Variants in LRRTM3 observed in about 807,000 individuals in gnomAD.
LRRTM3 encodes leucine-rich repeat transmembrane neuronal protein 3.
A neutral mutation model predicts 44.7 loss-of-function variants in LRRTM3; 24 were observed. The ratio of observed to expected loss-of-function variants is 0.54; its 90% confidence interval spans 0.39 to 0.76. The LOEUF (loss-of-function observed/expected upper bound fraction) is 0.76. LRRTM3 is among the 30% of genes least tolerant of loss of function. The pLI, the probability that LRRTM3 is intolerant of heterozygous loss-of-function variation, is 0.00. For missense variants in LRRTM3, 587 were observed against 702.2 expected, an observed-to-expected ratio of 0.84 and a Z score of 1.85; for synonymous variants, 277 against 278.7, an observed-to-expected ratio of 0.99 and a Z score of 0.06.
intron 2 of LRRTM3, among the ~76,000 whole-genome samples, chr10:67,072,054 G>T (rs2764815): frequency 0.51 from 77,300 of 152,068 alleles, 19,989 homozygotes; most frequent in Middle Eastern, 0.64. Context: ...CCAGGTTCAC[G>T]TGATTCTCAT....
chr10:67,014,433 T>C (rs960588467), intron 2 of LRRTM3, among the ~76,000 whole-genome samples: 2 of 152,188 alleles, frequency 1.3e-5, no homozygotes, highest in Non-Finnish European at 2.9e-5. Context: ...AATATCTTTA[T>C]CTGGGAATCC....
intron 2 of LRRTM3, among the ~76,000 whole-genome samples, chr10:67,065,483 CAG>C (rs1451968666): frequency 6.6e-6 from 1 of 152,096 alleles, no homozygotes; most frequent in African/African-American, 2.4e-5. Context: ...AGTATTATGA[CAG>C]AAACTAGCTA....
chr10:66,970,499 G>GGTT (rs1849657699), intron 2 of LRRTM3, among the ~76,000 whole-genome samples: 1 of 124,730 alleles, frequency 8.0e-6, no homozygotes. Flanking sequence ...CTATATTCTT[G>GGTT]GGTGGGGGGG....
At chr10:66,994,934 C>A (rs1851246551) in intron 2 of LRRTM3, among the ~76,000 whole-genome samples, 2 of 152,138 alleles carry the variant, frequency 1.3e-5, no homozygotes, top group Admixed American at 6.6e-5. Flanking sequence ...TCAGCTAATA[C>A]CACAACACAC....
intron 2 of LRRTM3, among the ~76,000 whole-genome samples, chr10:67,028,341 G>A (rs549041083): frequency 6.6e-6 from 1 of 152,138 alleles, no homozygotes; most frequent in South Asian, 2.1e-4. Flanking sequence ...TGACTCAGAA[G>A]CTACAGAATA....
At chr10:67,037,023 G>A (rs1854103078) in intron 2 of LRRTM3, among the ~76,000 whole-genome samples, 1 of 152,236 alleles carries the variant, frequency 6.6e-6, no homozygotes, top group South Asian at 2.1e-4. Context: ...TAAGTACAGA[G>A]ACCTTGGGTG....
At chr10:66,929,371 C>G (rs894403381) in intron 2 of LRRTM3, among the ~76,000 whole-genome samples, 1 of 152,200 alleles carries the variant, frequency 6.6e-6, no homozygotes, top group Non-Finnish European at 1.5e-5. Context: ...CAGAATTTCT[C>G]TTTCCAGTTT....
chr10:67,058,078 T>C (rs1405763399), intron 2 of LRRTM3, among the ~76,000 whole-genome samples: 1 of 152,160 alleles, frequency 6.6e-6, no homozygotes, highest in Non-Finnish European at 1.5e-5. Flanking sequence ...TCAACTAATC[T>C]TTTCTTGCAT....
chr10:66,957,840 G>A (rs1848904504), intron 2 of LRRTM3, among the ~76,000 whole-genome samples: 1 of 151,974 alleles, frequency 6.6e-6, no homozygotes, highest in African/African-American at 2.4e-5. Flanking sequence ...TACTAAGCTA[G>A]GCCTGAAGGG....
intron 2 of LRRTM3, among the ~76,000 whole-genome samples, chr10:66,998,861 T>C (rs1373432525): frequency 6.6e-6 from 1 of 152,126 alleles, no homozygotes; most frequent in Non-Finnish European, 1.5e-5. Flanking sequence ...TTTGTTCCAA[T>C]GGCTATATGT....
intron 2 of LRRTM3, among the ~76,000 whole-genome samples, chr10:67,020,601 G>A (rs181412890): frequency 1.3e-3 from 191 of 152,286 alleles, no homozygotes; most frequent in Middle Eastern, 0.01. Context: ...ATTGGGCACT[G>A]TAGAGAATCA....
intron 2 of LRRTM3, among the ~76,000 whole-genome samples, chr10:67,096,509 C>A (rs1023516378): frequency 4.6e-5 from 7 of 151,872 alleles, no homozygotes; most frequent in Non-Finnish European, 1.0e-4. Context: ...ATGGCAGAAG[C>A]TTTTATCCTC....
intron 2 of LRRTM3, among the ~76,000 whole-genome samples, chr10:66,971,324 G>A (rs1304973924): frequency 6.6e-6 from 1 of 152,096 alleles, no homozygotes; most frequent in Non-Finnish European, 1.5e-5. Context: ...TACTCAGGAG[G>A]CTGAGGCAGA....
At chr10:67,059,230 C>T (rs1266838952) in intron 2 of LRRTM3, among the ~76,000 whole-genome samples, 3 of 152,126 alleles carry the variant, frequency 2.0e-5, no homozygotes, top group Non-Finnish European at 4.4e-5. Context: ...TGAGCCAGAT[C>T]ACCATTTTCC....
intron 2 of LRRTM3, among the ~76,000 whole-genome samples, chr10:66,929,385 C>T (rs1847245908): frequency 6.6e-6 from 1 of 152,108 alleles, no homozygotes; most frequent in East Asian, 1.9e-4. Context: ...CCAGTTTTTT[C>T]GAAGACCCTA....
intron 2 of LRRTM3, among the ~76,000 whole-genome samples, chr10:67,001,594 T>C (rs1851696945): frequency 6.6e-6 from 1 of 152,098 alleles, no homozygotes; most frequent in Admixed American, 6.6e-5. Context: ...TATGTAGAAT[T>C]ACCAACAGAT....
At chr10:67,012,367 T>A (rs1314354483) in intron 2 of LRRTM3, 1 of 152,308 alleles carries the variant, frequency 6.6e-6, no homozygotes, top group East Asian at 1.9e-4. Flanking sequence ...GTCCTCTCTA[T>A]AGTATCTTCT....
chr10:67,012,950 A>T (rs1008912077), intron 2 of LRRTM3: 4 of 152,156 alleles, frequency 2.6e-5, no homozygotes, highest in African/African-American at 7.2e-5. Flanking sequence ...TCATGATTTT[A>T]AAAAAACCAA....
At chr10:67,047,423 A>G (rs559450352) in intron 2 of LRRTM3, among the ~76,000 whole-genome samples, 14 of 152,286 alleles carry the variant, frequency 9.2e-5, no homozygotes, top group African/African-American at 3.4e-4. Context: ...GGATAGTGCT[A>G]AGTGTGAAAG....
Sources: gnomAD v4.1 joint callset for allele counts (sites outside exome capture counted in the v4.1 genomes callset) on GRCh38, gnomAD v4.1.1 for gene constraint, MANE v1.5 for transcripts, NCBI Gene and HGNC (gene_info 2026-07-23, HGNC 2026-07-21) for gene names.